Variants in NEDD1 observed in about 807,000 individuals in gnomAD.
The protein encoded by NEDD1 is NEDD1 gamma-tubulin ring complex targeting factor.
A neutral mutation model predicts 74.0 loss-of-function variants in NEDD1; 33 were observed. The ratio of observed to expected loss-of-function variants is 0.45; its 90% CI spans 0.34 to 0.60. The LOEUF (loss-of-function observed/expected upper bound fraction) is 0.60. Ranked by LOEUF, NEDD1 falls within the 20% of genes least tolerant of loss-of-function variation. NEDD1 has a pLI of 0.01. For synonymous variants in NEDD1, 250 were observed against 264.4 expected (o/e 0.95, Z 0.53); for missense variants, 746 against 776.5 (o/e 0.96, Z 0.47).
In NEDD1 at chr12:96,937,341, A is replaced by C; in HGVS notation, c.1065A>C (p.Gln355His). 6.2e-7 allele frequency: 1 copy of C among 1,611,800 alleles called. No homozygotes were observed. The highest frequency in any genetic ancestry group is 2.2e-5 in the East Asian group (1 of 44,740). ...PATSIATVLP[Q>H]PMTSAMGKGT... The stretch of plus-strand genomic sequence containing the variant: ...CGTCCATTGCCACAGTTCTACCACA[A>C]CCTATGACATCAGCTATGGGGAAAG... Residue 355 changes from glutamine to histidine, a missense_variant, in exon 9 of 16, where the codon CAA becomes CAC. By Grantham distance (24) the Gln-to-His change is conservative. This residue lies in a region of NEDD1 where 706 missense variants were observed against 706.7 expected (regional missense o/e 1.00). Transcript: ENST00000266742.
Position 96,935,171 on chromosome 12 carries a change from A to G in NEDD1, c.685A>G (p.Lys229Glu). 3 of 1,608,250 alleles carry G rather than the reference A, an allele frequency of 1.9e-6. No homozygotes were observed. The highest frequency in any genetic ancestry group is 2.6e-6 in the Non-Finnish European group (3 of 1,174,596). The stretch of plus-strand genomic sequence containing the variant: ...GCTCTTTGTAACCATAGGCTTGGAT[A>G]AAAGAATCATCCTCTATGACACTTC... Reference protein sequence around the residue: ...ELLFVTIGLDKRIILYDTSSK... With the variant: ...ELLFVTIGLDERIILYDTSSK... The change falls in exon 7 of 16, where the codon AAA becomes GAA. Residue 229 changes from lysine (K) to glutamate (E), a missense_variant. By Grantham distance (56) the Lys-to-Glu change is moderately conservative. Coordinates refer to ENST00000266742, the MANE Select transcript of NEDD1 (RefSeq NM_152905.4).
intron 6 of NEDD1, among the ~76,000 whole-genome samples, chr12:96,921,188 G>A (rs1308394677): frequency 6.6e-6 from 1 of 151,922 alleles, no homozygotes; most frequent in Non-Finnish European, 1.5e-5. Flanking sequence ...TTGCTTGTTT[G>A]TTTGGTTTTT....
rs143499929 is a variant in NEDD1 at position 96,942,612 on chromosome 12, G to C, written c.1282G>C (p.Gly428Arg). The C allele has an allele frequency of 6.6e-6, 10 of 1,509,434 alleles. No individual in the cohort carries two copies. In the African/African-American group the frequency reaches 1.4e-4, roughly 21 times the overall value. The allele number at this position is 1,509,434 out of a possible 1,614,324, so 93.5% of individuals were successfully genotyped here. ...TAACAAGGGAAGTGATGAGTCCATA[G>C]GCAAAGGAGATGGTAAGAACTACTT... ...VVNKGSDESI[G>R]KGDGFDFLPQ... Residue 428 changes from glycine to arginine, a missense_variant, in exon 11 of 16, where the codon GGC becomes CGC. Physicochemically the swap from Gly to Arg is moderately radical, Grantham distance 125. This residue lies in a region of NEDD1 where 706 missense variants were observed against 706.7 expected (regional missense o/e 1.00). Coordinates refer to ENST00000266742, the MANE Select transcript of NEDD1 (RefSeq NM_152905.4).
intron 8 of NEDD1, 133 bp from the exon 9 acceptor site, chr12:96,937,065 C>A: frequency 1.9e-6 from 1 of 520,434 alleles, no homozygotes; most frequent in Non-Finnish European, 3.2e-6. Flanking sequence ...GAGGGAAACT[C>A]AGGTCTGCCA....
rs1441880662 is a variant in NEDD1 at position 96,940,316 on chromosome 12, C to T, written c.1118-93C>T. The T allele has an allele frequency of 4.5e-6, 3 of 660,840 alleles. No homozygotes were observed. The East Asian group carries it at 8.7e-5, about 19-fold the overall frequency. The allele number at this position is 660,840 out of a possible 1,614,324, so 40.9% of individuals were successfully genotyped here. A position where few individuals can be genotyped will look rare whatever the true frequency, so the allele number is the denominator to read the frequency against. On this transcript the variant is annotated intron_variant, in intron 9 of 15. Coordinates refer to ENST00000266742, the MANE Select transcript of NEDD1 (RefSeq NM_152905.4). ...ATGCTCATAGTTGTAATATTACCAA[C>T]AATATGAGTGATACATTAATTTTTA...
At chr12:96,910,765 T>G (rs1873838984) in intron 3 of NEDD1, among the ~76,000 whole-genome samples, 1 of 152,206 alleles carries the variant, frequency 6.6e-6, no homozygotes, top group African/African-American at 2.4e-5. Flanking sequence ...TCCTATCACC[T>G]TTTATGTGAA....
At position 96,952,514 on chromosome 12, in the gene NEDD1, T is replaced by C. The variant is rs910175431; in HGVS notation, c.*461T>C. The C allele has an allele frequency of 6.6e-6, 1 of 152,250 alleles. No homozygotes were observed. The highest frequency in any genetic ancestry group is 2.4e-5 in the African/African-American group (1 of 41,436). 9.4% of individuals were successfully genotyped at this position (152,250 alleles called of 1,614,324 possible). A position where few individuals can be genotyped will look rare whatever the true frequency, so the allele number is the denominator to read the frequency against. ...AATGGCAATTGGTGTTTCTAAGCCA[T>C]TGACTAATAAAACATAGGGTTGGCT... On this transcript the variant is annotated 3_prime_UTR_variant, in exon 16 of 16. Coordinates refer to ENST00000266742, the MANE Select transcript of NEDD1 (RefSeq NM_152905.4).
chr12:96,907,445 G>A, intron 1 of NEDD1, 145 bp downstream of exon 1: 1 of 575,080 alleles, frequency 1.7e-6, no homozygotes, highest in Non-Finnish European at 3.0e-6. Flanking sequence ...GCTGGGCGGG[G>A]GCGCGGCGGC....
At chr12:96,932,339 G>T (rs1185294402) in intron 6 of NEDD1, among the ~76,000 whole-genome samples, 4 of 143,480 alleles carry the variant, frequency 2.8e-5, no homozygotes, top group African/African-American at 1.0e-4. Flanking sequence ...AGGTGCGGTG[G>T]CTCACACCTG....
rs1417863618 is a variant in NEDD1 at position 96,919,976 on chromosome 12, C to G, written c.349-9C>G. ...GGGCAGTGTACTTACTTTCATTTCTCTCTTTCAGGATCATAAAGATCAAGT... is the reference window on the plus strand; with the variant it reads ...GGGCAGTGTACTTACTTTCATTTCTGTCTTTCAGGATCATAAAGATCAAGT... On this transcript the variant is annotated splice_polypyrimidine_tract_variant and intron_variant, in intron 5 of 15. Transcript: ENST00000266742. 2 of 1,592,140 alleles carry G rather than the reference C, an allele frequency of 1.3e-6. No individual in the cohort carries two copies. Among genetic ancestry groups the G allele is most frequent in the Middle Eastern group, 1.7e-4 (1 of 5,900 alleles).
In NEDD1 at chr12:96,941,459, G is replaced by A. The variant is rs111574522; in HGVS notation, c.1246+922G>A. 8.7e-3 allele frequency among the ~76,000 whole-genome samples: 1,330 copies of A among 152,168 alleles called. 22 individuals carry two copies. Among genetic ancestry groups the A allele is most frequent in the African/African-American group, 0.03 (1,247 of 41,544 alleles). On this transcript the variant is annotated intron_variant, in intron 10 of 15. Coordinates refer to ENST00000266742, the MANE Select transcript of NEDD1 (RefSeq NM_152905.4). The stretch of plus-strand genomic sequence containing the variant: ...TGCAAATTTCTATTTAAATTGCTAA[G>A]TCAAACTGAAAGAGGAAGGATTCTT...
At chr12:96,930,123 G>GT (rs752283857) in intron 6 of NEDD1, among the ~76,000 whole-genome samples, 36 of 138,776 alleles carry the variant, frequency 2.6e-4, no homozygotes, top group Non-Finnish European at 4.8e-4. Flanking sequence ...TGGGATTTTA[G>GT]TTTTTGGTCA....
intron 3 of NEDD1, among the ~76,000 whole-genome samples, chr12:96,912,349 C>T (rs1874005650): frequency 6.6e-6 from 1 of 151,356 alleles, no homozygotes. Flanking sequence ...TAATAAATAT[C>T]TTGAACAGTT....
chr12:96,924,257 TG>T (rs1418299036), intron 6 of NEDD1, among the ~76,000 whole-genome samples: 1 of 152,208 alleles, frequency 6.6e-6, no homozygotes, highest in Non-Finnish European at 1.5e-5. Context: ...TGTAGCTTTA[TG>T]GTAGATCGTG....
At chr12:96,920,646 A>G (rs1323361095) in intron 6 of NEDD1, among the ~76,000 whole-genome samples, 1 of 152,208 alleles carries the variant, frequency 6.6e-6, no homozygotes, top group Non-Finnish European at 1.5e-5. Context: ...TAAAAGGAAA[A>G]TAAGTCAATT....
intron 4 of NEDD1, among the ~76,000 whole-genome samples, chr12:96,916,653 C>G (rs1039067885): frequency 1.3e-5 from 2 of 149,934 alleles, no homozygotes; most frequent in South Asian, 2.1e-4. Context: ...TCCAGTCTAT[C>G]ATTGTTGGAC....
chr12:96,921,896 A>G (rs1875143751), intron 6 of NEDD1, among the ~76,000 whole-genome samples: 1 of 152,036 alleles, frequency 6.6e-6, no homozygotes. Flanking sequence ...GATTACAGGC[A>G]TGAGCCACCA....
In NEDD1 at chr12:96,945,698, A is replaced by G. The variant is rs1206591033; in HGVS notation, c.1660A>G (p.Lys554Glu). 2 of 1,584,308 alleles carry G rather than the reference A, an allele frequency of 1.3e-6. No individual in the cohort carries two copies. The highest frequency in any genetic ancestry group is 2.2e-5 in the East Asian group (1 of 44,690). Residue 554 changes from lysine to glutamate, a missense_variant, in exon 14 of 16, where the codon AAG (lysine) becomes GAG (glutamate). Coordinates refer to ENST00000266742, the MANE Select transcript of NEDD1 (RefSeq NM_152905.4). ...TTCTTCATTCTTTATTTTAGATCCA[A>G]AGATAGCATCTTCTGTCACTGCTGG... ...PINGSSTPNP[K>E]IASSVTAGVA...
chr12:96,944,903 AAG>A (rs1878047545), intron 13 of NEDD1, 108 bp downstream of exon 13: 2 of 812,304 alleles, frequency 2.5e-6, no homozygotes, highest in Non-Finnish European at 3.8e-6. Flanking sequence ...AAAATGTTCA[AAG>A]AGTTTAAAGT....
Sources: gnomAD v4.1 joint callset for allele counts (sites outside exome capture counted in the v4.1 genomes callset) on GRCh38, gnomAD v4.1.1 for gene constraint, gnomAD v4.1.1 regional missense constraint, MANE v1.5 for transcripts, NCBI Gene and HGNC (gene_info 2026-07-23, HGNC 2026-07-21) for gene names.